JAM3: variants seen among roughly 807,000 people sequenced by gnomAD.
JAM3 encodes junctional adhesion molecule 3.
A neutral mutation model predicts 39.4 loss-of-function variants in JAM3; 31 were observed. That is an observed-to-expected ratio of 0.79 (90% CI 0.59 to 1.06). The LOEUF (loss-of-function observed/expected upper bound fraction) is 1.06, where lower values mean the gene tolerates loss of function less well. JAM3 is among the 50% of genes least tolerant of loss of function. The pLI is 0.00. For missense variants in JAM3, 455 were observed against 391.4 expected, an observed-to-expected ratio of 1.16 and a Z score of -1.37; for synonymous variants, 182 against 148.7, an observed-to-expected ratio of 1.22 and a Z score of -1.63.
intron 1 of JAM3, among the ~76,000 whole-genome samples, chr11:134,128,241 TTTG>T (rs1942692056): frequency 6.6e-6 from 1 of 152,218 alleles, no homozygotes; most frequent in Non-Finnish European, 1.5e-5. Context: ...TTAGAAATCC[TTTG>T]TTATTTCTGC....
At chr11:134,112,896 G>T (rs1050208689) in intron 1 of JAM3, among the ~76,000 whole-genome samples, 1 of 152,166 alleles carries the variant, frequency 6.6e-6, no homozygotes, top group Non-Finnish European at 1.5e-5. Flanking sequence ...CTCATTTGAG[G>T]TCTGAAGCCA....
chr11:134,092,604 C>T (rs1183207822), intron 1 of JAM3, among the ~76,000 whole-genome samples: 5 of 148,130 alleles, frequency 3.4e-5, no homozygotes, highest in African/African-American at 1.3e-4. Context: ...CTCCTGAACC[C>T]TCCTTATTCA....
chr11:134,119,845 G>A (rs943552399), intron 1 of JAM3, among the ~76,000 whole-genome samples: 1 of 152,054 alleles, frequency 6.6e-6, no homozygotes, highest in Non-Finnish European at 1.5e-5. Flanking sequence ...TACTTGGTTG[G>A]GTCTTTTTGT....
intron 1 of JAM3, among the ~76,000 whole-genome samples, chr11:134,115,287 G>A (rs1391413409): frequency 6.6e-6 from 1 of 151,912 alleles, no homozygotes; most frequent in Admixed American, 6.6e-5. Flanking sequence ...AAGTTGCCTT[G>A]CTTTTTTAGG....
chr11:134,148,507 AGT>A (rs773448111), intron 6 of JAM3, 38 bp from the exon 7 acceptor site: 1 of 1,613,850 alleles, frequency 6.2e-7, no homozygotes, highest in South Asian at 1.1e-5. Context: ...AATAACAGAT[AGT>A]GTGTATCATG....
intron 1 of JAM3, among the ~76,000 whole-genome samples, chr11:134,102,688 A>C (rs141557985): frequency 0.01 from 1,553 of 152,352 alleles, 22 homozygotes; most frequent in African/African-American, 0.035. Context: ...TGGAGCTGAA[A>C]ACCATGGCAT....
chr11:134,088,747 A>ATAT (rs1941790132), intron 1 of JAM3, among the ~76,000 whole-genome samples: 2 of 152,172 alleles, frequency 1.3e-5, no homozygotes, highest in Non-Finnish European at 1.5e-5. Context: ...CTTGGTCTGC[A>ATAT]CATTAACACA....
intron 1 of JAM3, among the ~76,000 whole-genome samples, chr11:134,114,424 C>T (rs1318787346): frequency 2.0e-5 from 3 of 152,150 alleles, no homozygotes; most frequent in East Asian, 1.9e-4. Flanking sequence ...TTCCCAGCAC[C>T]ATTTATTAAA....
intron 1 of JAM3, among the ~76,000 whole-genome samples, chr11:134,092,339 T>C (rs1345915791): frequency 1.1e-4 from 16 of 147,326 alleles, no homozygotes; most frequent in African/African-American, 4.0e-4. Context: ...TCCTGAACCC[T>C]CCTTATTCAT....
intron 1 of JAM3, among the ~76,000 whole-genome samples, chr11:134,082,797 A>G (rs1312343127): frequency 6.6e-6 from 1 of 151,348 alleles, no homozygotes; most frequent in Non-Finnish European, 1.5e-5. Flanking sequence ...GGGATTTATA[A>G]CCCCCCCAGA....
chr11:134,138,967 G>A (rs1942923751), intron 1 of JAM3, among the ~76,000 whole-genome samples: 1 of 152,166 alleles, frequency 6.6e-6, no homozygotes, highest in African/African-American at 2.4e-5. Context: ...ATTTTCTTTA[G>A]CGGTTATCAT....
At position 134,124,030 on chromosome 11, in the gene JAM3, G is replaced by T. The variant is rs56807343; in HGVS notation, c.77-15821G>T. ...GCCCTTCCCAATCCCGCAACACAAGGCACTGCAACACAGCCACCTGGCTCT... is the reference window on the plus strand; with the variant it reads ...GCCCTTCCCAATCCCGCAACACAAGTCACTGCAACACAGCCACCTGGCTCT... On this transcript the variant is annotated intron_variant, in intron 1 of 8. Transcript: ENST00000299106. 2,851 of 1,441,780 alleles carry T rather than the reference G, an allele frequency of 2.0e-3. 39 individuals are homozygous for T. In the African/African-American group the frequency reaches 0.031, roughly 16 times the overall value. The allele number at this position is 1,441,780 out of a possible 1,614,324, so 89.3% of individuals were successfully genotyped here.
At position 134,076,833 on chromosome 11, in the gene JAM3, C is replaced by CTTTTTTT. The variant is rs71038556; in HGVS notation, c.76+7688_76+7694dup. Among the ~76,000 whole-genome samples, 17 of 118,532 alleles carry CTTTTTTT rather than the reference C, an allele frequency of 1.4e-4. 4 individuals are homozygous for CTTTTTTT. Among genetic ancestry groups the CTTTTTTT allele is most frequent in the African/African-American group, 2.3e-4 (7 of 29,790 alleles). 77.8% of individuals were successfully genotyped at this position (118,532 alleles called of 152,430 possible). On this transcript the variant is annotated intron_variant, in intron 1 of 8. Transcript: ENST00000299106. Reference sequence around the variant, plus strand: ...TTTGCAATCTCACTAACATCTATTGCTTTTTTTTTTTTTTTTTTTTGAGAT... The same window carrying CTTTTTTT: ...TTTGCAATCTCACTAACATCTATTGCTTTTTTTTTTTTTTTTTTTTTTTTTTTGAGAT...
chr11:134,107,427 C>G (rs962787636), intron 1 of JAM3, among the ~76,000 whole-genome samples: 1 of 152,058 alleles, frequency 6.6e-6, no homozygotes, highest in Non-Finnish European at 1.5e-5. Context: ...CACATGTATA[C>G]ATGTGTAACA....
At chr11:134,148,182 TTTC>T (rs1237891832) in intron 6 of JAM3, 1 of 270,100 alleles carries the variant, frequency 3.7e-6, no homozygotes, top group African/African-American at 2.2e-5. Context: ...TAGGGATTCT[TTTC>T]TTCTTGGGAT....
chr11:134,116,571 T>A (rs1034442694), intron 1 of JAM3, among the ~76,000 whole-genome samples: 14 of 152,214 alleles, frequency 9.2e-5, no homozygotes, highest in African/African-American at 3.4e-4. Context: ...TTTTAGCACT[T>A]TCTTGCTCTC....
chr11:134,148,964 A>G (rs1943134550), intron 8 of JAM3, 146 bp downstream of exon 8: 1 of 748,488 alleles, frequency 1.3e-6, no homozygotes, highest in Non-Finnish European at 2.2e-6. Flanking sequence ...TAACACACAC[A>G]CACACACACA....
chr11:134,149,868 T>TCTGAAATGGTA lies in JAM3; in HGVS notation c.*695_*705dup. 3.3e-6 allele frequency: 1 copy of TCTGAAATGGTA among 303,390 alleles called. No homozygotes were observed. Among genetic ancestry groups the TCTGAAATGGTA allele is most frequent in the Non-Finnish European group, 6.5e-6 (1 of 153,546 alleles). 18.8% of individuals were successfully genotyped at this position (303,390 alleles called of 1,614,324 possible). ...AGGAAAACCTTCGTCTTAGGCTAAGTCTGAAATGGTACTGAAATATGCTTT... is the reference window on the plus strand; with the variant it reads ...AGGAAAACCTTCGTCTTAGGCTAAGTCTGAAATGGTACTGAAATGGTACTGAAATATGCTTT... On this transcript the variant is annotated 3_prime_UTR_variant, in exon 9 of 9. Coordinates refer to ENST00000299106, the MANE Select transcript of JAM3 (RefSeq NM_032801.5).
intron 1 of JAM3, among the ~76,000 whole-genome samples, chr11:134,086,736 A>G (rs1941751362): frequency 6.6e-6 from 1 of 152,182 alleles, no homozygotes; most frequent in Admixed American, 6.5e-5. Flanking sequence ...ATAGGGCTCC[A>G]TGTTCCATAG....
Sources: gnomAD v4.1 joint callset for allele counts (sites outside exome capture counted in the v4.1 genomes callset) on GRCh38, gnomAD v4.1.1 for gene constraint, MANE v1.5 for transcripts, NCBI Gene and HGNC (gene_info 2026-07-23, HGNC 2026-07-21) for gene names.